MGLL: variants seen among roughly 807,000 people sequenced by gnomAD.
MGLL encodes the protein lysophospholipase homolog.
In MGLL, 7 loss-of-function variants were observed where a neutral mutation model predicts 29.1. The observed-to-expected ratio is 0.24, with a 90% CI of 0.14 to 0.45. The LOEUF (loss-of-function observed/expected upper bound fraction) is 0.45, where lower values mean the gene tolerates loss of function less well. MGLL is among the 20% of genes least tolerant of loss of function. The pLI, the probability that MGLL is intolerant of heterozygous loss-of-function variation, is 0.99. For missense variants in MGLL, 356 were observed against 413.6 expected (o/e 0.86, Z 1.21); for synonymous variants, 148 against 168.3 (o/e 0.88, Z 0.93).
intron 7 of MGLL, among the ~76,000 whole-genome samples, chr3:127,693,476 G>A (rs538610359): frequency 6.6e-6 from 1 of 152,344 alleles, no homozygotes; most frequent in East Asian, 1.9e-4. Flanking sequence ...CAGCGTCCCT[G>A]ACTGGTGCAT....
intron 3 of MGLL, among the ~76,000 whole-genome samples, chr3:127,781,189 GTGTA>G (rs1394947355): frequency 6.6e-6 from 1 of 151,654 alleles, no homozygotes; most frequent in Non-Finnish European, 1.5e-5. Flanking sequence ...GTATGTATGT[GTGTA>G]TGTGTGTTTT....
chr3:127,731,298 G>A (rs953895298), intron 3 of MGLL, among the ~76,000 whole-genome samples: 1 of 150,732 alleles, frequency 6.6e-6, no homozygotes, highest in Non-Finnish European at 1.5e-5. Context: ...GACTACAGGC[G>A]CACACCACTA....
chr3:127,787,734 T>A (rs946834052), intron 2 of MGLL, among the ~76,000 whole-genome samples: 1 of 152,216 alleles, frequency 6.6e-6, no homozygotes, highest in Non-Finnish European at 1.5e-5. Flanking sequence ...TCTTGGTTCT[T>A]GCTTATTCCA....
intron 3 of MGLL, among the ~76,000 whole-genome samples, chr3:127,754,590 C>T (rs1281573425): frequency 1.3e-5 from 2 of 152,192 alleles, no homozygotes; most frequent in Non-Finnish European, 2.9e-5. Flanking sequence ...AGAGGGCTGG[C>T]GGGCTGGGAT....
At chr3:127,736,380 A>G in intron 3 of MGLL, 1 of 983,618 alleles carries the variant, frequency 1.0e-6, no homozygotes, top group South Asian at 4.7e-5. Flanking sequence ...AAAAGGCAGG[A>G]GTTGGGTCAG....
intron 2 of MGLL, among the ~76,000 whole-genome samples, chr3:127,791,679 C>A (rs917190803): frequency 6.6e-6 from 1 of 152,190 alleles, no homozygotes; most frequent in South Asian, 2.1e-4. Flanking sequence ...TCTTGAGGCC[C>A]GGAGTTCCTT....
intron 6 of MGLL, among the ~76,000 whole-genome samples, chr3:127,705,416 A>C (rs551200548): frequency 1.3e-5 from 2 of 152,242 alleles, no homozygotes; most frequent in East Asian, 3.9e-4. Flanking sequence ...AAAAAGAAAA[A>C]CAATAGACAA....
intron 5 of MGLL, chr3:127,711,135 C>G (rs3773131): frequency 0.12 from 23,803 of 195,338 alleles, 1,797 homozygotes; most frequent in East Asian, 0.29. Flanking sequence ...GTCCATTTCT[C>G]TCGGGTGGAA....
chr3:127,709,406 A>G (rs993328494), intron 6 of MGLL, among the ~76,000 whole-genome samples: 7 of 152,212 alleles, frequency 4.6e-5, no homozygotes, highest in Admixed American at 4.6e-4. Flanking sequence ...ATTTTTAAGC[A>G]GCTGGCCCTC....
In MGLL at chr3:127,822,431, G is replaced by T; in HGVS notation, c.-113C>A. ...CAAGGCAGCAGGAAGGCAGCTCCGA[G>T]CCCTCTTCCCGCACCCAGACCCTGC... On this transcript the variant is annotated 5_prime_UTR_variant, in exon 1 of 8. Transcript: ENST00000265052. The T allele has an allele frequency of 1.7e-6, 2 of 1,143,540 alleles. No homozygotes were observed. The highest frequency in any genetic ancestry group is 2.6e-6 in the Non-Finnish European group (2 of 762,748). 70.8% of individuals were successfully genotyped at this position (1,143,540 alleles called of 1,614,324 possible).
Position 127,735,960 on chromosome 3 carries a change from G to A in MGLL, c.263-13394C>T, listed in dbSNP as rs1391816840. 3.0e-5 allele frequency: 44 copies of A among 1,452,494 alleles called. No homozygotes were observed. In the South Asian group the frequency reaches 5.7e-4, roughly 19 times the overall value. 90.0% of individuals were successfully genotyped at this position (1,452,494 alleles called of 1,614,324 possible). A position where few individuals can be genotyped will look rare whatever the true frequency, so the allele number is the denominator to read the frequency against. ...ATCCTGGCTCTCTTAGAGTGCAAGC[G>A]TTAAACCATCTTTCGGCTCAGTTCC... On this transcript the variant is annotated intron_variant, in intron 3 of 7. Transcript: ENST00000265052.
chr3:127,748,429 G>GGGA (rs2076493806), intron 3 of MGLL, among the ~76,000 whole-genome samples: 2 of 113,004 alleles, frequency 1.8e-5, no homozygotes, highest in African/African-American at 6.2e-5. Context: ...AGAGAGAGAG[G>GGGA]GAGAGAGAGA....
chr3:127,773,931 C>A (rs1270588945), intron 3 of MGLL, among the ~76,000 whole-genome samples: 20 of 152,224 alleles, frequency 1.3e-4, no homozygotes, highest in Non-Finnish European at 7.3e-5. Context: ...AAGTCCCTCC[C>A]AGCCTGGCGG....
intron 3 of MGLL, among the ~76,000 whole-genome samples, chr3:127,741,729 T>G (rs940512587): frequency 2.0e-5 from 3 of 152,220 alleles, no homozygotes; most frequent in African/African-American, 7.2e-5. Flanking sequence ...AAAGCCTTTT[T>G]CTATCTGGCT....
chr3:127,714,853 C>T (rs2075785296), intron 5 of MGLL, among the ~76,000 whole-genome samples: 1 of 152,242 alleles, frequency 6.6e-6, no homozygotes, highest in Non-Finnish European at 1.5e-5. Context: ...CGATCTGTAA[C>T]TCCCTGTCTT....
At chr3:127,768,973 C>T (rs971802457) in intron 3 of MGLL, among the ~76,000 whole-genome samples, 1 of 152,244 alleles carries the variant, frequency 6.6e-6, no homozygotes, top group African/African-American at 2.4e-5. Context: ...TTGAGAACCA[C>T]TACCATACTC....
rs541985291 is a variant in MGLL, at chr3:127,762,979, C to A, written c.262+18810G>T. Among the ~76,000 whole-genome samples the A allele has an allele frequency of 3.0e-3, 454 of 152,338 alleles. 4 individuals carry two copies. Among genetic ancestry groups the A allele is most frequent in the African/African-American group, 0.01 (428 of 41,566 alleles). On this transcript the variant is annotated intron_variant, in intron 3 of 7. Coordinates refer to ENST00000265052, the MANE Select transcript of MGLL (RefSeq NM_007283.7). ...GTCACTCCAGACTCTGCCTTCCCCCCATGGCAGCCTCCCCAGCTTTGCCCT... is the reference window on the plus strand; with the variant it reads ...GTCACTCCAGACTCTGCCTTCCCCCAATGGCAGCCTCCCCAGCTTTGCCCT...
At chr3:127,793,394 T>G (rs372296707) in intron 2 of MGLL, among the ~76,000 whole-genome samples, 163 of 152,346 alleles carry the variant, frequency 1.1e-3, no homozygotes, top group African/African-American at 2.7e-3. Flanking sequence ...ATTTTAAGAA[T>G]GATAACAGTA....
intron 2 of MGLL, among the ~76,000 whole-genome samples, chr3:127,787,066 C>T (rs1261945250): frequency 1.3e-5 from 2 of 152,224 alleles, no homozygotes; most frequent in African/African-American, 2.4e-5. Flanking sequence ...TGAGGCCCTG[C>T]GGCTCAGGAT....
Sources: allele counts gnomAD v4.1 joint callset (sites outside exome capture counted in the v4.1 genomes callset), GRCh38; gene constraint gnomAD v4.1.1; transcripts MANE v1.5; gene names NCBI Gene and HGNC (gene_info 2026-07-23, HGNC 2026-07-21).